Variants in LRRC41 observed in about 807,000 individuals in gnomAD.
LRRC41 encodes leucine-rich repeat-containing protein 41.
LRRC41 carries 17 observed loss-of-function variants against 72.1 expected under a neutral mutation model. The ratio of observed to expected loss-of-function variants is 0.24; its 90% CI spans 0.16 to 0.35. The LOEUF (loss-of-function observed/expected upper bound fraction) is 0.35. Ranked by LOEUF, LRRC41 falls within the 10% of genes least tolerant of loss-of-function variation. The probability of loss-of-function intolerance (pLI) is 1.00; values close to 1 mark genes in which losing one functional copy is unlikely to be tolerated. For synonymous variants in LRRC41, 427 were observed against 431.0 expected (o/e 0.99, Z 0.11); for missense variants, 759 against 1,065.0 (o/e 0.71, Z 4.00).
chr1:46,298,138 T>C (rs1661159744), intron 2 of LRRC41, 146 bp downstream of exon 2: 8 of 589,516 alleles, frequency 1.4e-5, no homozygotes, highest in Non-Finnish European at 2.4e-5. Flanking sequence ...CATAGGACAC[T>C]GAGGAATGAG....
At position 46,279,002 on chromosome 1, in the gene LRRC41, G is replaced by A. The variant is rs867828899; in HGVS notation, c.2302C>T (p.Arg768Cys). The change falls in exon 10 of 10, where the codon CGC (arginine) becomes TGC (cysteine). Residue 768 changes from arginine to cysteine, a missense_variant. Around this residue, in one of 4 missense-constraint regions of LRRC41, gnomAD observed 110 missense variants for 227.0 expected, o/e 0.48. Coordinates refer to ENST00000617190, the MANE Select transcript of LRRC41 (RefSeq NM_006369.5). This position sits in a 1 kb window ranked among gnomAD's most constrained non-coding sequence, Gnocchi z 4.5. Reference sequence around the variant, plus strand: ...TGGTCCAGCCAGTTTTGGAAGAGGCGCAGGTGACCAAAGGCTCCACGGCCC... The same window carrying A: ...TGGTCCAGCCAGTTTTGGAAGAGGCACAGGTGACCAAAGGCTCCACGGCCC... The part of the protein sequence containing the change: ...RWGRGAFGHL[R>C]LFQNWLDQDA... 2 of 1,613,938 alleles carry A rather than the reference G, an allele frequency of 1.2e-6. No homozygotes were observed. The highest frequency in any genetic ancestry group is 2.2e-5 in the East Asian group (1 of 44,880).
chr1:46,296,758 G>C (rs1399505410), intron 3 of LRRC41: 1 of 152,098 alleles, frequency 6.6e-6, no homozygotes, highest in Non-Finnish European at 1.5e-5. Flanking sequence ...CTTAGTGATG[G>C]GAAGTTTATT....
At chr1:46,292,454 C>G (rs555995261) in intron 3 of LRRC41, among the ~76,000 whole-genome samples, 1 of 152,264 alleles carries the variant, frequency 6.6e-6, no homozygotes, top group South Asian at 2.1e-4. Flanking sequence ...AAGAAAGTTA[C>G]AACAATTTCT....
At position 46,286,578 on chromosome 1, in the gene LRRC41, C is replaced by T; in HGVS notation, c.358-79G>A. ...AATTTCCCTCTCTTCCAATAGCACACTATTTACTGAGTCAGGCAACACTAC... is the reference window on the plus strand; with the variant it reads ...AATTTCCCTCTCTTCCAATAGCACATTATTTACTGAGTCAGGCAACACTAC... On this transcript the variant is annotated intron_variant, in intron 3 of 9. Coordinates refer to ENST00000617190, the MANE Select transcript of LRRC41 (RefSeq NM_006369.5). This position sits in a 1 kb window ranked among gnomAD's most constrained non-coding sequence, Gnocchi z 5.5. 7.7e-7 allele frequency: 1 copy of T among 1,303,318 alleles called. No homozygotes were observed. The highest frequency in any genetic ancestry group is 1.1e-6 in the Non-Finnish European group (1 of 944,738). The allele number at this position is 1,303,318 out of a possible 1,614,324, so 80.7% of individuals were successfully genotyped here.
intron 2 of LRRC41, among the ~76,000 whole-genome samples, chr1:46,297,968 C>CAGATG (rs1363602183): frequency 2.0e-5 from 3 of 152,074 alleles, no homozygotes; most frequent in Admixed American, 2.0e-4. Flanking sequence ...TAAATGTTAC[C>CAGATG]TGTTAACAGA....
Position 46,279,572 on chromosome 1 carries a change from G to A in LRRC41, c.2063C>T (p.Ala688Val). Residue 688 changes from alanine (A) to valine (V), a missense_variant, in exon 8 of 10, where the codon GCC becomes GTC. Coordinates refer to ENST00000617190, the MANE Select transcript of LRRC41 (RefSeq NM_006369.5). The surrounding 1 kb of genome is among the most constrained non-coding windows in gnomAD (Gnocchi z 4.5). ...AGCAACCATCTCAGGCAGAAATTGG[G>A]CTGGGCGCTTCTCAAACAGACGGCA... ...SFCRLFEKRP[A>V]QFLPEMVAAM... 1 of 1,614,174 alleles carries A rather than the reference G, an allele frequency of 6.2e-7. No individual in the cohort carries two copies. Among genetic ancestry groups the A allele is most frequent in the South Asian group, 1.1e-5 (1 of 91,080 alleles).
rs909515966 is a variant in LRRC41 at position 46,278,607 on chromosome 1, G to C, written c.*258C>G. 1.6e-6 allele frequency: 1 copy of C among 606,426 alleles called. No individual in the cohort carries two copies. Among genetic ancestry groups the C allele is most frequent in the African/African-American group, 1.9e-5 (1 of 53,938 alleles). The allele number at this position is 606,426 out of a possible 1,614,324, so 37.6% of individuals were successfully genotyped here. On this transcript the variant is annotated 3_prime_UTR_variant, in exon 10 of 10. Transcript: ENST00000617190. The stretch of plus-strand genomic sequence containing the variant: ...AGGGGATCTCTTCAGCAATTATGAT[G>C]ACCACTGTAACCTCCTGGCCCAGGG...
intron 4 of LRRC41, chr1:46,284,157 A>G (rs148775634): frequency 2.0e-5 from 3 of 152,494 alleles, no homozygotes; most frequent in Non-Finnish European, 4.4e-5. Context: ...AACAGTACAG[A>G]TAACTAAGGT....
intron 1 of LRRC41, among the ~76,000 whole-genome samples, chr1:46,301,013 AG>A (rs1206503821): frequency 6.6e-6 from 1 of 152,136 alleles, no homozygotes; most frequent in African/African-American, 2.4e-5. Context: ...CAGCAGTGGT[AG>A]GGGAGGGAGA....
At chr1:46,294,567 G>A (rs886298702) in intron 3 of LRRC41, among the ~76,000 whole-genome samples, 1 of 147,278 alleles carries the variant, frequency 6.8e-6, no homozygotes, top group Non-Finnish European at 1.5e-5. Context: ...CCCGACTCTT[G>A]TGCCTTTACT....
At chr1:46,299,378 G>C (rs1429300953) in intron 1 of LRRC41, 1 of 152,194 alleles carries the variant, frequency 6.6e-6, no homozygotes, top group Non-Finnish European at 1.5e-5. Flanking sequence ...TCACACCACT[G>C]TACTTGAGCC....
chr1:46,279,620 A>G lies in LRRC41; in HGVS notation c.2021-6T>C. 1 of 1,614,216 alleles carries G rather than the reference A, an allele frequency of 6.2e-7. No individual in the cohort carries two copies. Among genetic ancestry groups the G allele is most frequent in the Non-Finnish European group, 8.5e-7 (1 of 1,180,044 alleles). On this transcript the variant is annotated splice_region_variant and splice_polypyrimidine_tract_variant and intron_variant, in intron 7 of 9. Coordinates refer to ENST00000617190, the MANE Select transcript of LRRC41 (RefSeq NM_006369.5). The surrounding 1 kb of genome is among the most constrained non-coding windows in gnomAD (Gnocchi z 4.5). ...GCAGAAGGAGAAGGTAATCTCTGTCAAGAAAAATTATAGTAAATTCTGATG... is the reference window on the plus strand; with the variant it reads ...GCAGAAGGAGAAGGTAATCTCTGTCGAGAAAAATTATAGTAAATTCTGATG...
chr1:46,293,376 A>C (rs1661057359), intron 3 of LRRC41, among the ~76,000 whole-genome samples: 1 of 151,560 alleles, frequency 6.6e-6, no homozygotes, highest in South Asian at 2.1e-4. Flanking sequence ...AATAGCTGGG[A>C]CTAGAGGCGC....
Position 46,303,309 on chromosome 1 carries a change from T to G in LRRC41, c.14A>C (p.Glu5Ala). Residue 5 changes from glutamate to alanine, a missense_variant, in exon 1 of 10, where the codon GAG becomes GCG. Around this residue, in one of 4 missense-constraint regions of LRRC41, gnomAD observed 106 missense variants for 66.1 expected, o/e 1.60. Transcript: ENST00000617190. Reference protein sequence around the residue: MAAPEAWRARSCWFC... With the variant: MAAPAAWRARSCWFC... ...CCAGCAACTCCGGGCGCGCCAGGCCTCGGGCGCCGCCATCTTGGGGAGGTG... is the reference window on the plus strand; with the variant it reads ...CCAGCAACTCCGGGCGCGCCAGGCCGCGGGCGCCGCCATCTTGGGGAGGTG... The G allele has an allele frequency of 6.5e-7, 1 of 1,527,316 alleles. No individual in the cohort carries two copies. Among genetic ancestry groups the G allele is most frequent in the South Asian group, 1.2e-5 (1 of 82,392 alleles). The allele number at this position is 1,527,316 out of a possible 1,614,324, so 94.6% of individuals were successfully genotyped here.
In LRRC41 at chr1:46,303,493, AAC is replaced by A. The variant is rs1226814619; in HGVS notation, c.-173_-172del. The A allele has an allele frequency of 1.3e-6, 1 of 753,818 alleles. No individual in the cohort carries two copies. Among genetic ancestry groups the A allele is most frequent in the East Asian group, 2.7e-5 (1 of 36,466 alleles). 46.7% of individuals were successfully genotyped at this position (753,818 alleles called of 1,614,324 possible). ...CTCTTAGGAGCTACTATTTTAGATAAACTCCTAGATCAATTATACTTGGGTGT... is the reference window on the plus strand; with the variant it reads ...CTCTTAGGAGCTACTATTTTAGATAATCCTAGATCAATTATACTTGGGTGT... On this transcript the variant is annotated 5_prime_UTR_variant, in exon 1 of 10. The change abolishes the stop of an existing upstream ORF in the 5' untranslated region. Transcript: ENST00000617190.
chr1:46,302,371 C>A lies in LRRC41; in HGVS notation c.199+753G>T. ...GCCCCCCTCCACTCGCTCTCCGGTC[C>A]CTCCTCGCCGCTCGAGCCGATCCGA... On this transcript the variant is annotated intron_variant, in intron 1 of 9. Transcript: ENST00000617190. The surrounding 1 kb of genome is among the most constrained non-coding windows in gnomAD (Gnocchi z 4.7). The A allele has an allele frequency of 2.0e-6, 2 of 985,452 alleles. No homozygotes were observed. The highest frequency in any genetic ancestry group is 2.4e-6 in the Non-Finnish European group (2 of 829,934). The allele number at this position is 985,452 out of a possible 1,614,324, so 61.0% of individuals were successfully genotyped here. A position where few individuals can be genotyped will look rare whatever the true frequency, so the allele number is the denominator to read the frequency against.
Position 46,278,900 on chromosome 1 carries a change from A to T in LRRC41, c.2404T>A (p.Ser802Thr). The change falls in exon 10 of 10, where the codon TCC (serine) becomes ACC (threonine). Residue 802 changes from serine (S) to threonine (T), a missense_variant. This residue lies in a region of LRRC41 where 110 missense variants were observed against 227.0 expected (regional missense o/e 0.48). Transcript: ENST00000617190. ...CTAACATAATCTGCGAAGGCCTGGG[A>T]TGAGTCCCATGAGTCGCTAACCACA... ...CHVVSDSWDS[S>T]QAFADYVSTM The T allele has an allele frequency of 6.2e-7, 1 of 1,612,980 alleles. No homozygotes were observed. The highest frequency in any genetic ancestry group is 1.3e-5 in the African/African-American group (1 of 75,046).
intron 4 of LRRC41, among the ~76,000 whole-genome samples, chr1:46,281,865 G>A (rs1660782041): frequency 6.6e-6 from 1 of 152,160 alleles, no homozygotes; most frequent in Non-Finnish European, 1.5e-5. Flanking sequence ...GATCACTTGA[G>A]GCCAGGAGTT....
intron 1 of LRRC41, chr1:46,299,277 G>C (rs1351510367): frequency 6.6e-6 from 1 of 152,546 alleles, no homozygotes; most frequent in Non-Finnish European, 1.5e-5. Flanking sequence ...AATGGAGGCT[G>C]GGCACAGTGG....
Sources: allele counts gnomAD v4.1 joint callset (sites outside exome capture counted in the v4.1 genomes callset), GRCh38; gene constraint gnomAD v4.1.1; regional missense constraint gnomAD v4.1.1; non-coding constraint Gnocchi (gnomAD v3.1); transcripts MANE v1.5; gene names NCBI Gene and HGNC (gene_info 2026-07-23, HGNC 2026-07-21).